Variants in PAWR observed in about 807,000 individuals in gnomAD.
PAWR encodes PRKC apoptosis WT1 regulator protein.
A neutral mutation model predicts 32.0 loss-of-function variants in PAWR; 23 were observed. That is an observed-to-expected ratio of 0.72 (90% CI 0.52 to 1.02). The LOEUF (loss-of-function observed/expected upper bound fraction) is 1.02, where lower values mean the gene tolerates loss of function less well. Ranked by LOEUF, PAWR falls within the 50% of genes least tolerant of loss-of-function variation. PAWR has a pLI of 0.00. For missense variants in PAWR, 457 were observed against 437.7 expected, an observed-to-expected ratio of 1.04 and a Z score of -0.39; for synonymous variants, 226 against 187.1, an observed-to-expected ratio of 1.21 and a Z score of -1.70.
chr12:79,602,506 T>C (rs897511138), intron 4 of PAWR, among the ~76,000 whole-genome samples: 7 of 152,044 alleles, frequency 4.6e-5, no homozygotes, highest in Non-Finnish European at 8.8e-5. Flanking sequence ...ATTGGTGTGA[T>C]GGCAATGAGA....
chr12:79,620,091 A>C (rs1371787680), intron 3 of PAWR, among the ~76,000 whole-genome samples: 2 of 152,350 alleles, frequency 1.3e-5, no homozygotes, highest in East Asian at 3.9e-4. Context: ...CCTCAGTAAA[A>C]TTATGGCATA....
At chr12:79,614,737 A>G (rs1243893665) in intron 3 of PAWR, among the ~76,000 whole-genome samples, 1 of 152,240 alleles carries the variant, frequency 6.6e-6, no homozygotes, top group Non-Finnish European at 1.5e-5. Flanking sequence ...AAGGTAAAAG[A>G]ATAAGCTACC....
At chr12:79,635,949 G>A (rs1875941934) in intron 2 of PAWR, among the ~76,000 whole-genome samples, 1 of 152,094 alleles carries the variant, frequency 6.6e-6, no homozygotes, top group African/African-American at 2.4e-5. Flanking sequence ...TGACTGGACT[G>A]TATTACAAAG....
intron 3 of PAWR, among the ~76,000 whole-genome samples, chr12:79,613,953 A>G (rs1592501350): frequency 5.6e-4 from 3 of 5,364 alleles, no homozygotes; most frequent in East Asian, 6.6e-3. Flanking sequence ...ATATATATAT[A>G]TATATATATA....
At chr12:79,684,760 C>T (rs1168233480) in intron 2 of PAWR, among the ~76,000 whole-genome samples, 1 of 152,178 alleles carries the variant, frequency 6.6e-6, no homozygotes, top group African/African-American at 2.4e-5. Context: ...CTCACTTCAT[C>T]TATGTTCTAT....
At chr12:79,630,228 T>C (rs889022782) in intron 2 of PAWR, among the ~76,000 whole-genome samples, 1 of 151,828 alleles carries the variant, frequency 6.6e-6, no homozygotes, top group Non-Finnish European at 1.5e-5. Flanking sequence ...AAAATCACTA[T>C]TATAAGTAAA....
chr12:79,627,032 T>C (rs980886493), intron 2 of PAWR, among the ~76,000 whole-genome samples: 3 of 152,212 alleles, frequency 2.0e-5, no homozygotes, highest in African/African-American at 7.2e-5. Flanking sequence ...CTATTGTGAA[T>C]AGTGCCGCAA....
At chr12:79,689,651 G>A (rs1878870105) in intron 2 of PAWR, 78 bp downstream of exon 2, 1 of 1,475,756 alleles carries the variant, frequency 6.8e-7, no homozygotes, top group Admixed American at 2.1e-5. Context: ...CTGCGCCCCG[G>A]GTAGCTCCCA....
chr12:79,610,232 C>G (rs1033351617), intron 4 of PAWR, among the ~76,000 whole-genome samples: 1 of 152,232 alleles, frequency 6.6e-6, no homozygotes, highest in Non-Finnish European at 1.5e-5. Flanking sequence ...TGAGAACCTT[C>G]TGTGTATTCC....
intron 2 of PAWR, among the ~76,000 whole-genome samples, chr12:79,685,740 C>T (rs1878652184): frequency 6.6e-6 from 1 of 152,102 alleles, no homozygotes. Flanking sequence ...CTATTCAATT[C>T]CATACCTTTA....
At chr12:79,635,724 A>C (rs945905898) in intron 2 of PAWR, 1 of 152,172 alleles carries the variant, frequency 6.6e-6, no homozygotes, top group African/African-American at 2.4e-5. Flanking sequence ...TGTGTCACCA[A>C]TAAAGCATAA....
chr12:79,618,445 G>C (rs1482866797), intron 3 of PAWR, among the ~76,000 whole-genome samples: 1 of 151,890 alleles, frequency 6.6e-6, no homozygotes, highest in Non-Finnish European at 1.5e-5. Context: ...ACTTCTTTCT[G>C]GTAAGAACAT....
rs1024788451 is a variant in PAWR, at chr12:79,590,904, C to T, written c.*1703G>A. On this transcript the variant is annotated 3_prime_UTR_variant, in exon 7 of 7. Coordinates refer to ENST00000328827, the MANE Select transcript of PAWR (RefSeq NM_002583.4). ...CGTGAGCAGTGAATATACACATGGT[C>T]ATATGAAAACTGCCCTGGAGACCGG... is the stretch of plus-strand genomic sequence containing the variant. 2 of 152,140 alleles carry T rather than the reference C, an allele frequency of 1.3e-5. No individual in the cohort carries two copies. The highest frequency in any genetic ancestry group is 2.9e-5 in the Non-Finnish European group (2 of 68,038). 9.4% of individuals were successfully genotyped at this position (152,140 alleles called of 1,614,324 possible).
At position 79,639,069 on chromosome 12, in the gene PAWR, C is replaced by T. The variant is rs570420537; in HGVS notation, c.517-17862G>A. On this transcript the variant is annotated intron_variant, in intron 2 of 6. Transcript: ENST00000328827. ...CTGGGGTTACAGGCGCATGCCACCA[C>T]GCACAGCTAATTTTTGTATTTTTAG... is the stretch of plus-strand genomic sequence containing the variant. Among the ~76,000 whole-genome samples, 162 of 149,776 alleles carry T rather than the reference C, an allele frequency of 1.1e-3. 1 individual carries two copies. The highest frequency in any genetic ancestry group is 2.0e-3 in the Non-Finnish European group (133 of 67,366).
chr12:79,639,338 T>C (rs1236476011), intron 2 of PAWR, among the ~76,000 whole-genome samples: 1 of 152,186 alleles, frequency 6.6e-6, no homozygotes, highest in Non-Finnish European at 1.5e-5. Context: ...TAAAATTTTC[T>C]TGGCTTCTCC....
chr12:79,686,353 T>G (rs531938714), intron 2 of PAWR, among the ~76,000 whole-genome samples: 4 of 152,304 alleles, frequency 2.6e-5, no homozygotes, highest in African/African-American at 9.6e-5. Flanking sequence ...CTTACTACTC[T>G]ACTTTTCACA....
intron 6 of PAWR, among the ~76,000 whole-genome samples, chr12:79,593,427 C>A (rs2136671306): frequency 1.3e-5 from 2 of 152,198 alleles, no homozygotes; most frequent in South Asian, 4.2e-4. Context: ...CCCAAACACA[C>A]AACCATCTGG....
At chr12:79,687,705 T>C (rs928473300) in intron 2 of PAWR, among the ~76,000 whole-genome samples, 30 of 152,076 alleles carry the variant, frequency 2.0e-4, no homozygotes, top group African/African-American at 7.2e-4. Context: ...CCAGGAGAAA[T>C]GGCACAATTC....
intron 6 of PAWR, among the ~76,000 whole-genome samples, 182 bp from the exon 7 acceptor site, chr12:79,592,875 G>A (rs3789994): frequency 0.35 from 52,806 of 152,040 alleles, 15,416 homozygotes; most frequent in African/African-American, 0.8. Context: ...TTGACTCTTC[G>A]TTCTTACAAC....
Sources: allele counts gnomAD v4.1 joint callset (sites outside exome capture counted in the v4.1 genomes callset), GRCh38; gene constraint gnomAD v4.1.1; transcripts MANE v1.5; gene names NCBI Gene and HGNC (gene_info 2026-07-23, HGNC 2026-07-21).